PLEKHA7: variants seen among roughly 807,000 people sequenced by gnomAD.
PLEKHA7 encodes pleckstrin homology domain containing A7.
A neutral mutation model predicts 170.0 loss-of-function variants in PLEKHA7; 104 were observed. The observed-to-expected ratio is 0.61, with a 90% CI of 0.52 to 0.72. PLEKHA7 has a LOEUF of 0.72. Ranked by LOEUF, PLEKHA7 falls within the 30% of genes least tolerant of loss-of-function variation. The probability of loss-of-function intolerance (pLI) is 0.00; values close to 1 mark genes in which losing one functional copy is unlikely to be tolerated. For synonymous variants in PLEKHA7, 648 were observed against 660.8 expected, an observed-to-expected ratio of 0.98 and a Z score of 0.30; for missense variants, 1,615 against 1,671.7, an observed-to-expected ratio of 0.97 and a Z score of 0.59.
chr11:16,988,880 A>G (rs1308438183), intron 3 of PLEKHA7, among the ~76,000 whole-genome samples: 1 of 152,244 alleles, frequency 6.6e-6, no homozygotes, highest in East Asian at 1.9e-4. Context: ...TCTATGTGGC[A>G]GCCCTTCAGA....
intron 3 of PLEKHA7, among the ~76,000 whole-genome samples, chr11:16,947,894 C>G (rs1210307155): frequency 7.4e-6 from 1 of 135,000 alleles, no homozygotes; most frequent in African/African-American, 2.8e-5. Context: ...CCAGCTTGGG[C>G]TATAGAGTAA....
intron 3 of PLEKHA7, among the ~76,000 whole-genome samples, chr11:16,937,912 T>A (rs563482144): frequency 6.6e-6 from 1 of 152,206 alleles, no homozygotes; most frequent in Admixed American, 6.5e-5. Context: ...TCAGACGATG[T>A]TTTTCTTTTC....
At chr11:16,829,878 A>G (rs371480742) in intron 9 of PLEKHA7, among the ~76,000 whole-genome samples, 2 of 151,558 alleles carry the variant, frequency 1.3e-5, no homozygotes, top group East Asian at 3.9e-4. Flanking sequence ...TTTTCACACG[A>G]TAGGTTTTAG....
intron 7 of PLEKHA7, among the ~76,000 whole-genome samples, chr11:16,852,036 C>T (rs1853010498): frequency 6.6e-6 from 1 of 152,220 alleles, no homozygotes; most frequent in African/African-American, 2.4e-5. Context: ...GGTTACAAAA[C>T]ACAATCAATG....
At chr11:16,902,279 A>G (rs1857390281) in intron 3 of PLEKHA7, among the ~76,000 whole-genome samples, 1 of 152,202 alleles carries the variant, frequency 6.6e-6, no homozygotes. Flanking sequence ...CTTTGAGGAT[A>G]TTATGAATCA....
intron 3 of PLEKHA7, among the ~76,000 whole-genome samples, chr11:17,002,716 T>G (rs1864742118): frequency 6.6e-6 from 1 of 152,204 alleles, no homozygotes; most frequent in Admixed American, 6.5e-5. Context: ...ACAATGCATT[T>G]GTCCTTTAGT....
chr11:16,939,008 A>C (rs894652686), intron 3 of PLEKHA7, among the ~76,000 whole-genome samples: 24 of 152,368 alleles, frequency 1.6e-4, no homozygotes, highest in African/African-American at 5.0e-4. Context: ...TAGAAGATTC[A>C]AAGATCTCCT....
intron 3 of PLEKHA7, among the ~76,000 whole-genome samples, chr11:16,965,127 G>A (rs184643079): frequency 6.6e-6 from 1 of 151,908 alleles, no homozygotes; most frequent in Non-Finnish European, 1.5e-5. Flanking sequence ...TGGCCAACAT[G>A]GCGAAACCCC....
At chr11:16,910,477 G>A (rs1163622089) in intron 3 of PLEKHA7, among the ~76,000 whole-genome samples, 3 of 152,204 alleles carry the variant, frequency 2.0e-5, no homozygotes, top group Non-Finnish European at 4.4e-5. Context: ...CTGGGAAGAA[G>A]CCAGCTCTGC....
chr11:16,888,192 T>TCCCCCTCTGGGAAGTGAGGAGCCCCTCC (rs1856308749), intron 3 of PLEKHA7, among the ~76,000 whole-genome samples: 1 of 151,074 alleles, frequency 6.6e-6, no homozygotes, highest in African/African-American at 2.4e-5. Context: ...GGAGCCCCTC[T>TCCCCCTCTGGGAAGTGAGGAGCCCCTCC]GCCCAGCAGC....
chr11:16,935,978 C>A (rs1860260294), intron 3 of PLEKHA7, among the ~76,000 whole-genome samples: 1 of 152,156 alleles, frequency 6.6e-6, no homozygotes. Flanking sequence ...TGTTTTACTG[C>A]CTTCTAATAT....
chr11:16,925,547 T>C (rs10832700), intron 3 of PLEKHA7, among the ~76,000 whole-genome samples: 138,083 of 152,200 alleles, frequency 0.91, 63,171 homozygotes, highest in Middle Eastern at 0.97. Context: ...CCTTGGTCGC[T>C]CCTGCCAGAC....
chr11:17,014,248 G>C, intron 1 of PLEKHA7, 47 bp from the exon 2 acceptor site: 2 of 1,407,392 alleles, frequency 1.4e-6, no homozygotes, highest in Non-Finnish European at 1.8e-6. Context: ...AGCCCGCCGG[G>C]TGCCCGCCCG....
chr11:16,906,575 G>A (rs1305503283), intron 3 of PLEKHA7, among the ~76,000 whole-genome samples: 7 of 138,642 alleles, frequency 5.0e-5, no homozygotes, highest in African/African-American at 9.6e-5. Flanking sequence ...TGCCAGCCTC[G>A]GCCTCCCGAG....
chr11:16,996,583 T>C (rs2137000677), intron 3 of PLEKHA7, among the ~76,000 whole-genome samples: 1 of 152,294 alleles, frequency 6.6e-6, no homozygotes, highest in East Asian at 1.9e-4. Context: ...GTCAACAGCT[T>C]ACGGTCCTCA....
intron 3 of PLEKHA7, among the ~76,000 whole-genome samples, chr11:16,906,624 G>T (rs1357174644): frequency 7.2e-6 from 1 of 138,720 alleles, no homozygotes; most frequent in African/African-American, 3.2e-5. Context: ...CACTCACTCA[G>T]TGTTCAGTGG....
intron 25 of PLEKHA7, 98 bp from the exon 26 acceptor site, chr11:16,782,994 AG>A: frequency 7.6e-7 from 1 of 1,308,712 alleles, no homozygotes; most frequent in Non-Finnish European, 1.0e-6. Context: ...CAACATTTTG[AG>A]GGGGATCAGA....
chr11:16,976,450 G>A (rs1863070478), intron 3 of PLEKHA7, among the ~76,000 whole-genome samples: 1 of 152,232 alleles, frequency 6.6e-6, no homozygotes, highest in Admixed American at 6.5e-5. Flanking sequence ...AAACAGGCTA[G>A]AAAGGCTGGC....
chr11:16,972,467 A>T (rs900541216), intron 3 of PLEKHA7, among the ~76,000 whole-genome samples: 2 of 151,644 alleles, frequency 1.3e-5, no homozygotes, highest in African/African-American at 4.8e-5. Flanking sequence ...GCTGGAGTGC[A>T]GTGGTGTAAT....
Sources: allele counts gnomAD v4.1 joint callset (sites outside exome capture counted in the v4.1 genomes callset), GRCh38; gene constraint gnomAD v4.1.1; transcripts MANE v1.5; gene names NCBI Gene and HGNC (gene_info 2026-07-23, HGNC 2026-07-21).